The following ADAM9 variants were observed in gnomAD, a reference collection of about 807,000 sequenced individuals.
ADAM9 encodes ADAM metallopeptidase domain 9.
In ADAM9, 54 loss-of-function variants were observed where a neutral mutation model predicts 108.1. The ratio of observed to expected loss-of-function variants is 0.50; its 90% CI spans 0.40 to 0.63. ADAM9 has a LOEUF of 0.63. ADAM9 is among the 20% of genes least tolerant of loss of function. ADAM9 has a pLI of 0.00. For synonymous variants in ADAM9, 316 were observed against 336.0 expected (o/e 0.94, Z 0.65); for missense variants, 830 against 997.7 (o/e 0.83, Z 2.26).
intron 12 of ADAM9, among the ~76,000 whole-genome samples, chr8:39,044,293 C>A (rs983301001): frequency 6.6e-6 from 1 of 152,106 alleles, no homozygotes; most frequent in Non-Finnish European, 1.5e-5. Context: ...GTTCCAATTT[C>A]ATTCTTTTGC....
chr8:39,055,503 C>G, intron 13 of ADAM9, 74 bp from the exon 14 acceptor site: 2 of 1,445,532 alleles, frequency 1.4e-6, no homozygotes, highest in Non-Finnish European at 1.9e-6. Flanking sequence ...GATGTAAATG[C>G]TGTGGTTTCA....
intron 14 of ADAM9, among the ~76,000 whole-genome samples, chr8:39,065,669 A>C (rs1207355371): frequency 2.0e-5 from 3 of 151,658 alleles, no homozygotes; most frequent in Non-Finnish European, 4.4e-5. Context: ...CAAAAAAAAA[A>C]AAAAAAAAAA....
In ADAM9 at chr8:39,074,946, G is replaced by A. The variant is rs1327705400; in HGVS notation, c.1698-2282G>A. ...TTTTTGAGTAGAGCCTCACTCTCTC[G>A]CTCAGGCTGGAGTGCAGTGGCATGA... On this transcript the variant is annotated intron_variant, in intron 15 of 21. Coordinates refer to ENST00000487273, the MANE Select transcript of ADAM9 (RefSeq NM_003816.3). Among the ~76,000 whole-genome samples the A allele has an allele frequency of 6.4e-5, 8 of 124,316 alleles. No homozygotes were observed. In the East Asian group the frequency reaches 1.6e-3, roughly 25 times the overall value. The allele number at this position is 124,316 out of a possible 152,430, so 81.6% of individuals were successfully genotyped here.
chr8:39,046,539 A>G (rs1016787654), intron 12 of ADAM9, among the ~76,000 whole-genome samples: 1 of 152,102 alleles, frequency 6.6e-6, no homozygotes, highest in African/African-American at 2.4e-5. Context: ...TTCATTTCTG[A>G]TCTCAGAGGA....
chr8:39,006,652 A>G (rs1390705737), intron 1 of ADAM9, among the ~76,000 whole-genome samples: 1 of 151,420 alleles, frequency 6.6e-6, no homozygotes, highest in Admixed American at 6.6e-5. Context: ...TATGTATTGG[A>G]CTCCCACATG....
intron 12 of ADAM9, among the ~76,000 whole-genome samples, chr8:39,044,540 C>G (rs926238594): frequency 1.8e-4 from 27 of 151,990 alleles, no homozygotes; most frequent in African/African-American, 6.0e-4. Flanking sequence ...TCTGGTGTAC[C>G]CATTACCCAA....
At chr8:39,103,554 C>T in intron 21 of ADAM9, 53 bp from the exon 22 acceptor site, 1 of 1,516,686 alleles carries the variant, frequency 6.6e-7, no homozygotes, top group East Asian at 2.3e-5. Context: ...ATGAATATGG[C>T]ATTATTTCAC....
At chr8:39,000,968 C>G (rs1232752162) in intron 1 of ADAM9, among the ~76,000 whole-genome samples, 1 of 152,114 alleles carries the variant, frequency 6.6e-6, no homozygotes, top group Non-Finnish European at 1.5e-5. Context: ...ATGGGACGTT[C>G]CCTTTGATGA....
At chr8:39,003,319 G>A (rs550172125) in intron 1 of ADAM9, among the ~76,000 whole-genome samples, 52 of 152,184 alleles carry the variant, frequency 3.4e-4, no homozygotes, top group African/African-American at 1.2e-3. Flanking sequence ...GATGCTGTTG[G>A]CATCTAGTGG....
At chr8:39,090,249 G>A (rs143819272) in intron 19 of ADAM9, 61 bp downstream of exon 19, 1 of 1,429,450 alleles carries the variant, frequency 7.0e-7, no homozygotes, top group African/African-American at 1.4e-5. Context: ...TTCTGAGACA[G>A]AATCTCGACT....
Position 39,045,387 on chromosome 8 carries a change from T to C in ADAM9, c.1302+3270T>C, listed in dbSNP as rs1233520628. On this transcript the variant is annotated intron_variant, in intron 12 of 21. Coordinates refer to ENST00000487273, the MANE Select transcript of ADAM9 (RefSeq NM_003816.3). Reference sequence around the variant, plus strand: ...AGGTGTGTGTACATACACCTATAGGTGTGTGTACACACACCTATATGTGCG... The same window carrying C: ...AGGTGTGTGTACATACACCTATAGGCGTGTGTACACACACCTATATGTGCG... Among the ~76,000 whole-genome samples the C allele has an allele frequency of 6.4e-5, 3 of 46,680 alleles. 1 individual carries two copies. The highest frequency in any genetic ancestry group is 1.8e-4 in the African/African-American group (3 of 16,294). 30.6% of individuals were successfully genotyped at this position (46,680 alleles called of 152,430 possible).
rs779055132 is a variant in ADAM9 at position 39,042,013 on chromosome 8, A to G, written c.1198A>G (p.Asn400Asp). The stretch of plus-strand genomic sequence containing the variant: ...GAAGTTAACTTTAAATAAAGGAGGA[A>G]ACTGCCTTCTTAATATTCCAAAGCC... Reference protein sequence around the residue: ...FEKLTLNKGGNCLLNIPKPDE... With the variant: ...FEKLTLNKGGDCLLNIPKPDE... Residue 400 changes from asparagine to aspartate, a missense_variant, in exon 12 of 22, where the codon AAC becomes GAC. By Grantham distance (23) the Asn-to-Asp change is conservative. This residue lies in a region of ADAM9 where 381 missense variants were observed against 539.8 expected (regional missense o/e 0.71). Coordinates refer to ENST00000487273, the MANE Select transcript of ADAM9 (RefSeq NM_003816.3). The G allele has an allele frequency of 1.9e-6, 3 of 1,614,126 alleles. No individual in the cohort carries two copies. The highest frequency in any genetic ancestry group is 1.1e-5 in the South Asian group (1 of 91,078).
At chr8:39,090,228 A>G (rs1839309937) in intron 19 of ADAM9, 40 bp downstream of exon 19, 3 of 1,513,188 alleles carry the variant, frequency 2.0e-6, no homozygotes, top group East Asian at 4.9e-5. Flanking sequence ...TATTAAATAT[A>G]TACATACATT....
At chr8:38,999,877 A>C (rs767334903) in intron 1 of ADAM9, among the ~76,000 whole-genome samples, 1 of 152,240 alleles carries the variant, frequency 6.6e-6, no homozygotes, top group Non-Finnish European at 1.5e-5. Flanking sequence ...CCGCAAGCTC[A>C]AACATATGAC....
In ADAM9 at chr8:39,043,907, A is replaced by G. The variant is rs1166811313; in HGVS notation, c.1302+1790A>G. ...GACTTTCTGCTTCTGAGTTACTTCA[A>G]TTAGGAAAATTAACCCATTTTAAAT... On this transcript the variant is annotated intron_variant, in intron 12 of 21. Transcript: ENST00000487273. 3.3e-5 allele frequency among the ~76,000 whole-genome samples: 5 copies of G among 152,140 alleles called. 1 individual carries two copies. Among genetic ancestry groups the G allele is most frequent in the African/African-American group, 9.7e-5 (4 of 41,428 alleles).
intron 20 of ADAM9, among the ~76,000 whole-genome samples, chr8:39,096,528 A>G (rs963419910): frequency 1.3e-5 from 2 of 152,138 alleles, no homozygotes; most frequent in African/African-American, 4.8e-5. Context: ...ATTACTTTTT[A>G]TGCTATGCTT....
intron 20 of ADAM9, among the ~76,000 whole-genome samples, chr8:39,093,771 TC>T (rs1194685269): frequency 6.6e-6 from 1 of 152,160 alleles, no homozygotes; most frequent in Non-Finnish European, 1.5e-5. Context: ...TTTCTTTCTT[TC>T]TTTTTCTTTG....
chr8:39,044,896 GTGTGCACACATACATATGTATGTA>G (rs1837571328), intron 12 of ADAM9, among the ~76,000 whole-genome samples: 7 of 144,628 alleles, frequency 4.8e-5, no homozygotes, highest in African/African-American at 2.0e-4. Context: ...ATATATATGT[GTGTGCACACATACATATGTATGTA>G]TATATGTGTG....
intron 1 of ADAM9, among the ~76,000 whole-genome samples, chr8:39,002,860 AG>A (rs1255746968): frequency 5.3e-5 from 8 of 151,492 alleles, no homozygotes; most frequent in Non-Finnish European, 1.0e-4. Flanking sequence ...TTTTAGACGG[AG>A]TCTCCCTCGG....
Sources: allele counts gnomAD v4.1 joint callset (sites outside exome capture counted in the v4.1 genomes callset), GRCh38; gene constraint gnomAD v4.1.1; regional missense constraint gnomAD v4.1.1; transcripts MANE v1.5; gene names NCBI Gene and HGNC (gene_info 2026-07-23, HGNC 2026-07-21).